TBC1D23: variants seen among roughly 807,000 people sequenced by gnomAD.
The protein encoded by TBC1D23 is TBC1 domain family member 23.
Under a neutral mutation model 91.4 loss-of-function variants are expected in TBC1D23, and 55 were observed. That is an observed-to-expected ratio of 0.60 (90% CI 0.48 to 0.75). The LOEUF (loss-of-function observed/expected upper bound fraction) is 0.75, where lower values mean the gene tolerates loss of function less well. Ranked by LOEUF, TBC1D23 falls within the 30% of genes least tolerant of loss-of-function variation. The pLI, the probability that TBC1D23 is intolerant of heterozygous loss-of-function variation, is 0.00. For missense variants in TBC1D23, 725 were observed against 836.1 expected (o/e 0.87, Z 1.64); for synonymous variants, 289 against 281.0 (o/e 1.03, Z -0.28).
rs1559808297 is a variant in TBC1D23 at position 100,296,222 on chromosome 3, C to T, written c.823C>T (p.Leu275Phe). 6.2e-7 allele frequency: 1 copy of T among 1,608,872 alleles called. No individual in the cohort carries two copies. Among genetic ancestry groups the T allele is most frequent in the Non-Finnish European group, 8.5e-7 (1 of 1,177,808 alleles). The change falls in exon 8 of 19, where the codon CTT becomes TTT. Residue 275 changes from leucine (L) to phenylalanine (F), a missense_variant. Coordinates refer to ENST00000394144, the MANE Select transcript of TBC1D23 (RefSeq NM_001199198.3). Reference sequence around the variant, plus strand: ...TCTGAATATAGAAGATATAGAAGACCTTTTCTCTCTGGCTCAGTATTATTG... The same window carrying T: ...TCTGAATATAGAAGATATAGAAGACTTTTTCTCTCTGGCTCAGTATTATTG... ...SSLNIEDIED[L>F]FSLAQYYCSK...
chr3:100,294,965 A>G, intron 5 of TBC1D23, 122 bp from the exon 6 acceptor site: 1 of 953,566 alleles, frequency 1.0e-6, no homozygotes, highest in South Asian at 2.1e-5. Flanking sequence ...AGATTAAGGT[A>G]CGCATTAAAT....
chr3:100,289,276 C>G (rs2067769789), intron 4 of TBC1D23, among the ~76,000 whole-genome samples: 1 of 152,062 alleles, frequency 6.6e-6, no homozygotes. Context: ...CCAGTAAGAT[C>G]CACTACCAAA....
intron 4 of TBC1D23, among the ~76,000 whole-genome samples, chr3:100,285,470 A>G (rs142573780): frequency 8.5e-5 from 13 of 152,236 alleles, no homozygotes; most frequent in African/African-American, 2.6e-4. Context: ...CATTTTATTT[A>G]CCTATTCATC....
chr3:100,283,404 G>T (rs989640844), intron 3 of TBC1D23, among the ~76,000 whole-genome samples: 6 of 151,568 alleles, frequency 4.0e-5, no homozygotes, highest in African/African-American at 1.5e-4. Flanking sequence ...AAAGCGTTTT[G>T]ACTGTGTGTT....
At chr3:100,314,665 C>G (rs1030553776) in intron 15 of TBC1D23, among the ~76,000 whole-genome samples, 2 of 152,108 alleles carry the variant, frequency 1.3e-5, no homozygotes, top group Non-Finnish European at 2.9e-5. Context: ...GTGGTCCCAG[C>G]TACATGGGAG....
intron 2 of TBC1D23, among the ~76,000 whole-genome samples, chr3:100,281,040 G>T (rs529582163): frequency 9.9e-5 from 15 of 152,176 alleles, no homozygotes; most frequent in Admixed American, 9.8e-4. Context: ...GGTGCCTGTA[G>T]TATCAGCTAC....
intron 7 of TBC1D23, 122 bp from the exon 8 acceptor site, chr3:100,296,049 TA>T: frequency 2.0e-6 from 1 of 491,464 alleles, no homozygotes; most frequent in Non-Finnish European, 3.6e-6. Flanking sequence ...CAAGTCATTG[TA>T]AAAGCACCAG....
chr3:100,293,992 G>A (rs6787301), intron 5 of TBC1D23, among the ~76,000 whole-genome samples: 38,722 of 152,076 alleles, frequency 0.25, 5,246 homozygotes, highest in East Asian at 0.49. Context: ...ATTTTTAATG[G>A]TATGTGATAA....
At chr3:100,295,635 C>A (rs902306083) in intron 7 of TBC1D23, among the ~76,000 whole-genome samples, 8 of 152,098 alleles carry the variant, frequency 5.3e-5, no homozygotes, top group African/African-American at 1.9e-4. Flanking sequence ...TCCTCCCTAC[C>A]CATCCTTAAT....
intron 1 of TBC1D23, among the ~76,000 whole-genome samples, chr3:100,261,860 C>T (rs1487362400): frequency 1.3e-5 from 2 of 152,180 alleles, no homozygotes; most frequent in Admixed American, 6.5e-5. Flanking sequence ...TGTACAACAT[C>T]ATTTTTTAAA....
At chr3:100,267,809 C>A (rs1420306811) in intron 1 of TBC1D23, among the ~76,000 whole-genome samples, 5 of 152,140 alleles carry the variant, frequency 3.3e-5, no homozygotes, top group African/African-American at 1.2e-4. Flanking sequence ...TAGAGCGTTA[C>A]TCTTTATATA....
chr3:100,271,357 T>C (rs1384104828), intron 1 of TBC1D23, among the ~76,000 whole-genome samples: 1 of 152,192 alleles, frequency 6.6e-6, no homozygotes. Flanking sequence ...GTTTTTGTGG[T>C]GGACATTGCT....
chr3:100,270,189 C>T (rs1035702266), intron 1 of TBC1D23, among the ~76,000 whole-genome samples: 2 of 152,148 alleles, frequency 1.3e-5, no homozygotes, highest in Admixed American at 1.3e-4. Flanking sequence ...CCCTGTGCCT[C>T]ACACAGTGAG....
intron 1 of TBC1D23, among the ~76,000 whole-genome samples, chr3:100,263,106 A>T (rs960681814): frequency 2.0e-5 from 3 of 152,216 alleles, no homozygotes; most frequent in African/African-American, 7.2e-5. Flanking sequence ...AAAGAGAGTC[A>T]GCGAAGGGAG....
chr3:100,299,629 C>T (rs560918936), intron 10 of TBC1D23, among the ~76,000 whole-genome samples: 89 of 152,270 alleles, frequency 5.8e-4, no homozygotes, highest in Non-Finnish European at 1.2e-3. Flanking sequence ...CCTGCCTCAC[C>T]CTCCCTAGTA....
chr3:100,283,563 C>G, intron 3 of TBC1D23, 44 bp from the exon 4 acceptor site: 1 of 1,387,436 alleles, frequency 7.2e-7, no homozygotes, highest in South Asian at 1.2e-5. Context: ...ATAACAGCCC[C>G]TGACAGGCCC....
intron 5 of TBC1D23, among the ~76,000 whole-genome samples, chr3:100,291,790 T>TTTTTGC (rs1487506813): frequency 7.2e-6 from 1 of 138,900 alleles, no homozygotes; most frequent in African/African-American, 2.5e-5. Flanking sequence ...ATCTGCTTTT[T>TTTTTGC]TTTTTCTTTT....
At chr3:100,268,925 A>G (rs2067578784) in intron 1 of TBC1D23, among the ~76,000 whole-genome samples, 2 of 152,236 alleles carry the variant, frequency 1.3e-5, no homozygotes, top group East Asian at 1.9e-4. Flanking sequence ...AACATTACAC[A>G]TATAGTTATG....
At chr3:100,318,674 A>G (rs1237750726) in intron 16 of TBC1D23, among the ~76,000 whole-genome samples, 1 of 144,820 alleles carries the variant, frequency 6.9e-6, no homozygotes, top group African/African-American at 2.6e-5. Flanking sequence ...TTTTTTTGAG[A>G]CAGTCTCATT....
Sources: allele counts gnomAD v4.1 joint callset (sites outside exome capture counted in the v4.1 genomes callset), GRCh38; gene constraint gnomAD v4.1.1; transcripts MANE v1.5; gene names NCBI Gene and HGNC (gene_info 2026-07-23, HGNC 2026-07-21).